ERBB2: variants seen among roughly 807,000 people sequenced by gnomAD.
ERBB2 encodes receptor tyrosine-protein kinase erbB-2.
In ERBB2, 61 loss-of-function variants were observed where a neutral mutation model predicts 149.0. The ratio of observed to expected loss-of-function variants is 0.41; its 90% CI spans 0.33 to 0.51. ERBB2 has a LOEUF of 0.51. Ranked by LOEUF, ERBB2 falls within the 20% of genes least tolerant of loss-of-function variation. The pLI is 0.25. For synonymous variants in ERBB2, 633 were observed against 678.8 expected, an observed-to-expected ratio of 0.93 and a Z score of 1.05; for missense variants, 1,205 against 1,655.1, an observed-to-expected ratio of 0.73 and a Z score of 4.72.
In ERBB2 at chr17:39,717,484, A is replaced by G. The variant is rs1277510346; in HGVS notation, c.1898+4A>G. ...GCCCCATCAACTGCACCCACTCGTG[A>G]GTCCAACGGTCTTTTCTGCAGAAAG... On this transcript the variant is annotated splice_donor_region_variant and intron_variant, in intron 15 of 26. Coordinates refer to ENST00000269571, the MANE Select transcript of ERBB2 (RefSeq NM_004448.4). 6.2e-7 allele frequency: 1 copy of G among 1,605,882 alleles called. No individual in the cohort carries two copies. The highest frequency in any genetic ancestry group is 2.2e-5 in the East Asian group (1 of 44,628).
intron 9 of ERBB2, 53 bp downstream of exon 9, chr17:39,712,501 G>A (rs2058869318): frequency 3.1e-5 from 49 of 1,594,118 alleles, no homozygotes; most frequent in Non-Finnish European, 4.0e-5. Context: ...AGAGTCCTGA[G>A]GATCCAGATG....
upstream of ERBB2, among the ~76,000 whole-genome samples, chr17:39,695,706 C>T (rs1445235584): frequency 1.4e-5 from 1 of 71,946 alleles, no homozygotes; most frequent in Non-Finnish European, 3.1e-5. Flanking sequence ...TGCATGCATA[C>T]ACACACACAC....
At position 39,723,509 on chromosome 17, in the gene ERBB2, G is replaced by A. The variant is rs903506; in HGVS notation, c.2086-29G>A. ...CCGCGTGGGGTCTGCACCGGCCCCC[G>A]GCACTGACCCACCACCCCCTCACCC... On this transcript the variant is annotated intron_variant, in intron 17 of 26. Transcript: ENST00000269571. The surrounding 1 kb of genome is among the most constrained non-coding windows in gnomAD (Gnocchi z 6.2). 1,033,450 of 1,612,328 alleles carry A rather than the reference G, an allele frequency of 0.64. 340,565 individuals are homozygous for A. Among genetic ancestry groups the A allele is most frequent in the Middle Eastern group, 0.7 (4,214 of 6,014 alleles).
chr17:39,716,706 T>C, intron 14 of ERBB2, 101 bp downstream of exon 14: 1 of 1,062,870 alleles, frequency 9.4e-7, no homozygotes, highest in Non-Finnish European at 1.4e-6. Flanking sequence ...TGCTATCTGG[T>C]AAAATATCCC....
upstream of ERBB2, chr17:39,688,102 T>G: frequency 1.7e-6 from 2 of 1,192,150 alleles, no homozygotes; most frequent in African/African-American, 1.6e-5. Flanking sequence ...GTGTTCTTTA[T>G]TCTACTCTCC....
upstream of ERBB2, chr17:39,699,881 G>T: frequency 1.4e-6 from 1 of 703,438 alleles, no homozygotes; most frequent in Admixed American, 3.6e-5. Context: ...TAGGAGGGAC[G>T]CACCCAGGCC....
intron 2 of ERBB2, among the ~76,000 whole-genome samples, chr17:39,689,389 C>A (rs1363587697): frequency 6.6e-6 from 1 of 152,184 alleles, no homozygotes; most frequent in Admixed American, 6.5e-5. Flanking sequence ...AACAAAACAA[C>A]CCCTTAGCCC....
chr17:39,726,854 T>G lies in ERBB2; in HGVS notation c.3010T>G (p.Phe1004Val). Residue 1004 changes from phenylalanine (F) to valine (V), a missense_variant, in exon 25 of 27, where the codon TTC becomes GTC. Coordinates refer to ENST00000269571, the MANE Select transcript of ERBB2 (RefSeq NM_004448.4). This position sits in a 1 kb window ranked among gnomAD's most constrained non-coding sequence, Gnocchi z 5.1. ...CCCAGCCAGTCCCTTGGACAGCACCTTCTACCGCTCACTGCTGGAGGACGA... is the reference window on the plus strand; with the variant it reads ...CCCAGCCAGTCCCTTGGACAGCACCGTCTACCGCTCACTGCTGGAGGACGA... ...LGPASPLDSTFYRSLLEDDDM... is the reference protein window; with the variant it reads ...LGPASPLDSTVYRSLLEDDDM... The G allele has an allele frequency of 6.2e-7, 1 of 1,613,584 alleles. No homozygotes were observed. Among genetic ancestry groups the G allele is most frequent in the Non-Finnish European group, 8.5e-7 (1 of 1,179,704 alleles).
chr17:39,715,810 G>C lies in ERBB2; in HGVS notation c.1384G>C (p.Gly462Arg), dbSNP rs1457127715. The C allele has an allele frequency of 6.2e-7, 1 of 1,610,938 alleles. No individual in the cohort carries two copies. Among genetic ancestry groups the C allele is most frequent in the Admixed American group, 1.7e-5 (1 of 60,020 alleles). The change falls in exon 12 of 27, where the codon GGC becomes CGC. Residue 462 changes from glycine to arginine, a missense_variant. By Grantham distance (125) the Gly-to-Arg change is moderately radical. Coordinates refer to ENST00000269571, the MANE Select transcript of ERBB2 (RefSeq NM_004448.4). Reference protein sequence around the residue: ...WLGLRSLRELGSGLALIHHNT... With the variant: ...WLGLRSLRELRSGLALIHHNT... ...GGGGCTGCGCTCACTGAGGGAACTG[G>C]GCAGTGGACTGGCCCTCATCCACCA...
upstream of ERBB2, chr17:39,699,723 C>T (rs972546132): frequency 4.3e-6 from 3 of 696,138 alleles, no homozygotes; most frequent in African/African-American, 5.4e-5. Flanking sequence ...TAAGATAAAA[C>T]CTGAGACTTA....
rs56366519 is a variant in ERBB2 at position 39,724,006 on chromosome 17, T to C, written c.2303T>C (p.Leu768Ser). 6.2e-7 allele frequency: 1 copy of C among 1,612,164 alleles called. No homozygotes were observed. Among genetic ancestry groups the C allele is most frequent in the Non-Finnish European group, 8.5e-7 (1 of 1,178,764 alleles). Residue 768 changes from leucine (L) to serine (S), a missense_variant, in exon 19 of 27, where the codon TTA becomes TCA. This residue lies in a region of ERBB2 where 152 missense variants were observed against 318.1 expected (regional missense o/e 0.48). Coordinates refer to ENST00000269571, the MANE Select transcript of ERBB2 (RefSeq NM_004448.4). ...TCCCCCAAAGCCAACAAAGAAATCT[T>C]AGACGTAAGCCCCTCCACCCTCTCC... ...NTSPKANKEI[L>S]DEAYVMAGVG...
chr17:39,698,296 G>C (rs1223864151), upstream of ERBB2, among the ~76,000 whole-genome samples: 1 of 145,586 alleles, frequency 6.9e-6, no homozygotes, highest in Non-Finnish European at 1.5e-5. Context: ...GTCTCACTCT[G>C]TCTCCCAGGC....
intron 4 of ERBB2, 73 bp from the exon 5 acceptor site, chr17:39,709,740 C>T (rs2145485803): frequency 7.0e-7 from 1 of 1,435,554 alleles, no homozygotes; most frequent in Non-Finnish European, 9.7e-7. Flanking sequence ...CTGTTTGTGC[C>T]TCTCTCTGTT....
At chr17:39,693,792 T>TAAC (rs1212700513), upstream of ERBB2, among the ~76,000 whole-genome samples, 14 of 146,430 alleles carry the variant, frequency 9.6e-5, no homozygotes, top group Admixed American at 8.9e-4. Context: ...ATAATAATAA[T>TAAC]AATAATAATA....
rs1321123052 is a variant in ERBB2, at chr17:39,723,707, T to C, written c.2208+47T>C. ...GGGCGGCCCCAGAGGATGGGGGCGG[T>C]GCCTGGAGGGGTGTGGTCGGCAGTT... is the stretch of plus-strand genomic sequence containing the variant. On this transcript the variant is annotated intron_variant, in intron 18 of 26. Transcript: ENST00000269571. This position sits in a 1 kb window ranked among gnomAD's most constrained non-coding sequence, Gnocchi z 6.2. 1 of 1,575,362 alleles carries C rather than the reference T, an allele frequency of 6.3e-7. No individual in the cohort carries two copies. The highest frequency in any genetic ancestry group is 8.6e-7 in the Non-Finnish European group (1 of 1,160,110).
upstream of ERBB2, among the ~76,000 whole-genome samples, chr17:39,691,955 A>ATC (rs1555611755): frequency 5.5e-5 from 8 of 145,356 alleles, no homozygotes; most frequent in Non-Finnish European, 6.0e-5. Flanking sequence ...ATATATATAT[A>ATC]TATCTCTTGT....
intron 1 of ERBB2, 35 bp from the exon 2 acceptor site, chr17:39,706,955 C>G: frequency 6.7e-7 from 1 of 1,489,786 alleles, no homozygotes; most frequent in South Asian, 1.4e-5. Flanking sequence ...GGTCCCCCGC[C>G]AGTGTCCTCT....
Position 39,725,467 on chromosome 17 carries a change from G to T in ERBB2, c.2725+65G>T, listed in dbSNP as rs569895431. 262 of 1,525,198 alleles carry T rather than the reference G, an allele frequency of 1.7e-4. No homozygotes were observed. In the African/African-American group the frequency reaches 3.2e-3, roughly 19 times the overall value. 94.5% of individuals were successfully genotyped at this position (1,525,198 alleles called of 1,614,324 possible). On this transcript the variant is annotated intron_variant, in intron 22 of 26. Coordinates refer to ENST00000269571, the MANE Select transcript of ERBB2 (RefSeq NM_004448.4). This position sits in a 1 kb window ranked among gnomAD's most constrained non-coding sequence, Gnocchi z 4.6. ...CATGGCTGGAGGGAGGATGAGAGCT[G>T]GGATGGGGAGAATTACGGGGCCACC...
chr17:39,693,027 ACT>A (rs2057748100), upstream of ERBB2, among the ~76,000 whole-genome samples: 1 of 152,170 alleles, frequency 6.6e-6, no homozygotes, highest in Non-Finnish European at 1.5e-5. Context: ...GTACCACTGC[ACT>A]CCAGCCTGGG....
Sources: gnomAD v4.1 joint callset for allele counts (sites outside exome capture counted in the v4.1 genomes callset) on GRCh38, gnomAD v4.1.1 for gene constraint, gnomAD v4.1.1 regional missense constraint, Gnocchi (gnomAD v3.1) non-coding constraint, MANE v1.5 for transcripts, NCBI Gene and HGNC (gene_info 2026-07-23, HGNC 2026-07-21) for gene names.